CUX1: variants seen among roughly 807,000 people sequenced by gnomAD.
CUX1 encodes cut like homeobox 1.
A neutral mutation model predicts 158.8 loss-of-function variants in CUX1; 31 were observed. That is an observed-to-expected ratio of 0.20 (90% confidence interval 0.15 to 0.26). The LOEUF (loss-of-function observed/expected upper bound fraction) is 0.26. Ranked by LOEUF, CUX1 falls within the 10% of genes least tolerant of loss-of-function variation. CUX1 has a pLI of 1.00. For missense variants in CUX1, 1,589 were observed against 2,014.6 expected (o/e 0.79, Z 4.04); for synonymous variants, 879 against 862.1 (o/e 1.02, Z -0.34).
chr7:101,948,349 ACTGT>A (rs1160838567), intron 2 of CUX1, among the ~76,000 whole-genome samples: 1 of 152,110 alleles, frequency 6.6e-6, no homozygotes, highest in African/African-American at 2.4e-5. Flanking sequence ...TAAGCGGAAA[ACTGT>A]CTGCTCTGAT....
At chr7:102,009,085 A>C (rs1026112508) in intron 2 of CUX1, among the ~76,000 whole-genome samples, 2 of 152,198 alleles carry the variant, frequency 1.3e-5, no homozygotes, top group Non-Finnish European at 2.9e-5. Flanking sequence ...GCGGTTCCAG[A>C]TGAAATGCAG....
rs1799156350 is a variant in CUX1 at position 101,876,561 on chromosome 7, G to A, written c.31-39554G>A. 2.0e-5 allele frequency among the ~76,000 whole-genome samples: 3 copies of A among 151,838 alleles called. No individual in the cohort carries two copies. The South Asian group carries it at 6.2e-4, about 32-fold the overall frequency. On this transcript the variant is annotated intron_variant, in intron 1 of 23. Transcript: ENST00000292535. ...ATAGAAAAAATTAGCCAGGCGTGGT[G>A]GCACGCACCTGTAGTCCCAGCTACT...
At chr7:101,862,433 G>A (rs1200966929) in intron 1 of CUX1, among the ~76,000 whole-genome samples, 2 of 151,992 alleles carry the variant, frequency 1.3e-5, no homozygotes, top group East Asian at 1.9e-4. Flanking sequence ...GGCCTCCTCC[G>A]CCTGCCCTTC....
At chr7:102,202,987 GAT>G (rs1233099095) in intron 18 of CUX1, among the ~76,000 whole-genome samples, 6 of 152,232 alleles carry the variant, frequency 3.9e-5, no homozygotes, top group African/African-American at 1.2e-4. Context: ...TATTTTTTGA[GAT>G]GGCGTCTCAC....
intron 3 of CUX1, among the ~76,000 whole-genome samples, chr7:102,063,133 TAA>T (rs150942007): frequency 0.83 from 124,239 of 149,632 alleles, 51,575 homozygotes; most frequent in East Asian, 0.99. Context: ...AACACTACAT[TAA>T]AAAAAAAAAA....
At chr7:102,002,289 G>A (rs1816772275) in intron 2 of CUX1, among the ~76,000 whole-genome samples, 1 of 152,184 alleles carries the variant, frequency 6.6e-6, no homozygotes, top group Non-Finnish European at 1.5e-5. Flanking sequence ...CTCAGAGTGA[G>A]ACCCTGTCTC....
chr7:102,178,669 GC>G lies in CUX1; in HGVS notation c.1017+13del. On this transcript the variant is annotated intron_variant, in intron 11 of 23. Coordinates refer to ENST00000292535, the MANE Select transcript of CUX1 (RefSeq NM_181552.4). Reference sequence around the variant, plus strand: ...ACAGCACACTCAAAGTAAGGGGGCTGCGGGGCCCGGGGGTGGCCCGAGGAGG... The same window carrying G: ...ACAGCACACTCAAAGTAAGGGGGCTGGGGGCCCGGGGGTGGCCCGAGGAGG... 6.3e-7 allele frequency: 1 copy of G among 1,598,404 alleles called. No individual in the cohort carries two copies. Among genetic ancestry groups the G allele is most frequent in the Non-Finnish European group, 8.5e-7 (1 of 1,171,706 alleles).
At chr7:102,010,573 G>A (rs1264742932) in intron 2 of CUX1, among the ~76,000 whole-genome samples, 2 of 152,160 alleles carry the variant, frequency 1.3e-5, no homozygotes, top group Admixed American at 1.3e-4. Flanking sequence ...CCGGGAAAGG[G>A]AAGGAAGTAG....
Position 102,251,917 on chromosome 7 carries a change from T to G in CUX1, c.*2875T>G. On this transcript the variant is annotated 3_prime_UTR_variant, in exon 24 of 24. Transcript: ENST00000292535. The stretch of plus-strand genomic sequence containing the variant: ...CATTCTAGTGGCCAAACAGTAACAG[T>G]CTAAAATGCAGTCATTTTGACCCTC... 4 of 985,424 alleles carry G rather than the reference T, an allele frequency of 4.1e-6. No homozygotes were observed. The highest frequency in any genetic ancestry group is 4.8e-6 in the Non-Finnish European group (4 of 829,928). 61.0% of individuals were successfully genotyped at this position (985,424 alleles called of 1,614,324 possible). A position where few individuals can be genotyped will look rare whatever the true frequency, so the allele number is the denominator to read the frequency against.
intron 1 of CUX1, among the ~76,000 whole-genome samples, chr7:101,856,303 C>T (rs553392696): frequency 6.6e-6 from 1 of 152,154 alleles, no homozygotes; most frequent in East Asian, 1.9e-4. Flanking sequence ...AATCACGACC[C>T]ATAATAACCA....
chr7:101,852,725 G>T lies in CUX1; in HGVS notation c.30+35056G>T, dbSNP rs115062153. Among the ~76,000 whole-genome samples the T allele has an allele frequency of 8.1e-3, 1,100 of 136,104 alleles. 17 individuals carry two copies. The highest frequency in any genetic ancestry group is 0.029 in the African/African-American group (1,060 of 36,444). The allele number at this position is 136,104 out of a possible 152,430, so 89.3% of individuals were successfully genotyped here. On this transcript the variant is annotated intron_variant, in intron 1 of 23. Transcript: ENST00000292535. ...AGGTTTCACTCTTGTTGCCCATGCT[G>T]GAGTGCAATGGAGTGATCTTGGTTC...
intron 4 of CUX1, among the ~76,000 whole-genome samples, chr7:102,085,717 A>G (rs1026217425): frequency 2.6e-5 from 4 of 152,166 alleles, no homozygotes; most frequent in Admixed American, 6.5e-5. Context: ...ATATACAACT[A>G]TAGTTTTCTG....
chr7:101,878,568 A>G (rs1446431016), intron 1 of CUX1, among the ~76,000 whole-genome samples: 2 of 152,196 alleles, frequency 1.3e-5, no homozygotes, highest in Non-Finnish European at 2.9e-5. Flanking sequence ...TGTTCAAAGC[A>G]GTGCAATTTC....
chr7:102,050,731 C>T (rs1355760959), intron 3 of CUX1, among the ~76,000 whole-genome samples: 1 of 151,196 alleles, frequency 6.6e-6, no homozygotes, highest in Non-Finnish European at 1.5e-5. Flanking sequence ...GTGTTGGGCT[C>T]TCGCTCTGCT....
intron 8 of CUX1, among the ~76,000 whole-genome samples, chr7:102,147,057 C>G (rs561799132): frequency 2.0e-5 from 3 of 152,092 alleles, no homozygotes; most frequent in South Asian, 2.1e-4. Context: ...ATGAAAACCG[C>G]TATTTCCAGA....
Position 102,255,598 on chromosome 7 carries a change from A to G in CUX1, c.*6556A>G. The G allele has an allele frequency of 9.1e-6, 9 of 985,386 alleles. No individual in the cohort carries two copies. Among genetic ancestry groups the G allele is most frequent in the Non-Finnish European group, 1.1e-5 (9 of 829,896 alleles). The allele number at this position is 985,386 out of a possible 1,614,324, so 61.0% of individuals were successfully genotyped here. The stretch of plus-strand genomic sequence containing the variant: ...TGTTTACGCTTTAATTTCTACCACA[A>G]AATATGCTATATGCTATGTATCAAG... On this transcript the variant is annotated 3_prime_UTR_variant, in exon 24 of 24. Transcript: ENST00000292535.
At chr7:101,960,742 A>G (rs1402146723) in intron 2 of CUX1, 2 of 152,224 alleles carry the variant, frequency 1.3e-5, no homozygotes, top group Non-Finnish European at 2.9e-5. Context: ...AAGATTGTTT[A>G]TTTCCTACTG....
At chr7:102,176,036 G>A (rs1041426270) in intron 10 of CUX1, among the ~76,000 whole-genome samples, 4 of 152,210 alleles carry the variant, frequency 2.6e-5, no homozygotes, top group East Asian at 1.9e-4. Context: ...TAAATAAGCC[G>A]ACAGGAGATG....
At chr7:101,853,982 G>A (rs1455147121) in intron 1 of CUX1, among the ~76,000 whole-genome samples, 1 of 152,190 alleles carries the variant, frequency 6.6e-6, no homozygotes, top group Non-Finnish European at 1.5e-5. Context: ...GCTGCAGGCG[G>A]CCTGCTCCAT....
Sources: allele counts gnomAD v4.1 joint callset (sites outside exome capture counted in the v4.1 genomes callset), GRCh38; gene constraint gnomAD v4.1.1; transcripts MANE v1.5; gene names NCBI Gene and HGNC (gene_info 2026-07-23, HGNC 2026-07-21).